The following SKIC3 variants were observed in gnomAD, a reference collection of about 807,000 sequenced individuals.
SKIC3 encodes the protein superkiller complex protein 3.
chr5:95,505,723 G>C, the SKIC3 span, among the ~76,000 whole-genome samples: 22 of 151,844 alleles, frequency 1.4e-4, no homozygotes, highest in African/African-American at 5.3e-4. Flanking sequence ...TGAGGCAGGA[G>C]AATCTCTTGA....
the SKIC3 span, among the ~76,000 whole-genome samples, chr5:95,542,545 C>T: frequency 2.0e-5 from 3 of 152,044 alleles, no homozygotes; most frequent in African/African-American, 2.4e-5. Context: ...CATTAAAGAA[C>T]GATCAGATAT....
chr5:95,506,520 T>G, the SKIC3 span, among the ~76,000 whole-genome samples: 2 of 152,216 alleles, frequency 1.3e-5, no homozygotes, highest in Non-Finnish European at 2.9e-5. Flanking sequence ...GATATAGAGC[T>G]CATTCCCCAT....
chr5:95,480,330 T>C, the SKIC3 span, among the ~76,000 whole-genome samples: 4 of 152,136 alleles, frequency 2.6e-5, no homozygotes, highest in Admixed American at 2.6e-4. Flanking sequence ...AAAAATGTGC[T>C]CAGATTCAGG....
At chr5:95,496,777 T>A in the SKIC3 span, among the ~76,000 whole-genome samples, 4 of 152,142 alleles carry the variant, frequency 2.6e-5, no homozygotes, top group East Asian at 7.7e-4. Flanking sequence ...CTGTGGGTCT[T>A]GCAGACTTCA....
the SKIC3 span, chr5:95,509,720 T>A: frequency 1.5e-6 from 2 of 1,346,084 alleles, no homozygotes; most frequent in Non-Finnish European, 2.1e-6. Context: ...ATTTTAAATA[T>A]GCCTACTGAT....
chr5:95,522,219 T>C, the SKIC3 span: 1 of 1,613,898 alleles, frequency 6.2e-7, no homozygotes, highest in South Asian at 1.1e-5. Context: ...TTCAAGGCTG[T>C]TGTGTAGCCT....
At chr5:95,527,995 A>T in the SKIC3 span, 1 of 1,613,336 alleles carries the variant, frequency 6.2e-7, no homozygotes, top group South Asian at 1.1e-5. Flanking sequence ...GTTGAAGAAA[A>T]AAACTTGACA....
the SKIC3 span, chr5:95,522,237 T>A: frequency 1.9e-6 from 3 of 1,613,708 alleles, no homozygotes; most frequent in African/African-American, 4.0e-5. Context: ...CCTCCTCTGC[T>A]TAAGTATGCT....
chr5:95,539,884 A>G, the SKIC3 span, among the ~76,000 whole-genome samples: 11 of 151,838 alleles, frequency 7.2e-5, no homozygotes, highest in East Asian at 2.1e-3. Flanking sequence ...CTACGATTTG[A>G]TCCAGTAATC....
the SKIC3 span, among the ~76,000 whole-genome samples, chr5:95,538,527 CTA>C: frequency 1.2e-3 from 186 of 152,102 alleles, 1 homozygote; most frequent in African/African-American, 4.2e-3. Context: ...ACTTCCTATC[CTA>C]TATAGAGTCT....
chr5:95,552,902 G>T, the SKIC3 span, among the ~76,000 whole-genome samples: 1 of 152,204 alleles, frequency 6.6e-6, no homozygotes, highest in South Asian at 2.1e-4. Flanking sequence ...AAGGACTGTT[G>T]AAAGGGAGAG....
chr5:95,537,409 T>A, the SKIC3 span, among the ~76,000 whole-genome samples: 1 of 152,236 alleles, frequency 6.6e-6, no homozygotes, highest in Admixed American at 6.5e-5. Context: ...AAGTGCCTGC[T>A]GTCTCCTACA....
At chr5:95,524,108 C>A in the SKIC3 span, among the ~76,000 whole-genome samples, 1 of 152,048 alleles carries the variant, frequency 6.6e-6, no homozygotes, top group Admixed American at 6.6e-5. Context: ...TCTGCTCTTA[C>A]AAGTCAAGAT....
chr5:95,512,823 C>G, the SKIC3 span: 2 of 572,640 alleles, frequency 3.5e-6, no homozygotes, highest in South Asian at 2.2e-5. Flanking sequence ...CCAATCCTAA[C>G]GAGAAGAATC....
the SKIC3 span, chr5:95,547,190 C>T: frequency 6.4e-7 from 1 of 1,571,470 alleles, no homozygotes; most frequent in Non-Finnish European, 8.7e-7. Flanking sequence ...TACAGTAATA[C>T]CTACCCAATC....
At chr5:95,524,482 G>A in the SKIC3 span, 1 of 1,613,262 alleles carries the variant, frequency 6.2e-7, no homozygotes. Flanking sequence ...AAGTGGGTAA[G>A]AGCCTTTGTT....
chr5:95,527,934 T>C, the SKIC3 span: 58 of 1,519,172 alleles, frequency 3.8e-5, 1 homozygote, highest in South Asian at 6.0e-4. Context: ...TAAGTAAATT[T>C]TGTGGTAGGC....
the SKIC3 span, among the ~76,000 whole-genome samples, chr5:95,475,988 C>G: frequency 6.6e-6 from 1 of 152,358 alleles, no homozygotes; most frequent in East Asian, 1.9e-4. Context: ...TTAGGGGAAG[C>G]CCCCTCTGAT....
the SKIC3 span, among the ~76,000 whole-genome samples, chr5:95,476,405 A>G: frequency 6.6e-6 from 1 of 152,184 alleles, no homozygotes; most frequent in East Asian, 1.9e-4. Context: ...TCCAGATCAC[A>G]TATTATCACA....
Sources: allele counts gnomAD v4.1 joint callset (sites outside exome capture counted in the v4.1 genomes callset), GRCh38; gene constraint gnomAD v4.1.1; transcripts MANE v1.5; gene names NCBI Gene and HGNC (gene_info 2026-07-23, HGNC 2026-07-21).